Variants in GREB1 observed in about 807,000 individuals in gnomAD.
The protein encoded by GREB1 is protein GREB1.
A neutral mutation model predicts 200.7 loss-of-function variants in GREB1; 106 were observed. The observed-to-expected ratio is 0.53, with a 90% CI of 0.45 to 0.62. The LOEUF (loss-of-function observed/expected upper bound fraction) is 0.62. GREB1 is among the 20% of genes least tolerant of loss of function. The probability of loss-of-function intolerance (pLI) is 0.00; values close to 1 mark genes in which losing one functional copy is unlikely to be tolerated. For synonymous variants in GREB1, 1,132 were observed against 1,092.4 expected, an observed-to-expected ratio of 1.04 and a Z score of -0.72; for missense variants, 2,243 against 2,556.8, an observed-to-expected ratio of 0.88 and a Z score of 2.65.
intron 1 of GREB1, among the ~76,000 whole-genome samples, chr2:11,541,780 C>T (rs1275529919): frequency 6.6e-6 from 1 of 152,194 alleles, no homozygotes; most frequent in African/African-American, 2.4e-5. Flanking sequence ...GAACGGGCCC[C>T]TCGTTGCCCT....
chr2:11,588,405 T>G (rs1281245037), intron 9 of GREB1: 1 of 577,334 alleles, frequency 1.7e-6, no homozygotes, highest in African/African-American at 1.9e-5. Context: ...GCCCACAAGG[T>G]GTCCCATTGG....
chr2:11,583,971 GGCCCATGGGGGT>G (rs1422101220), intron 7 of GREB1, among the ~76,000 whole-genome samples: 5 of 152,120 alleles, frequency 3.3e-5, no homozygotes, highest in African/African-American at 1.2e-4. Flanking sequence ...AGGTTTAATA[GGCCCATGGGGGT>G]TCTGTGCAGT....
At chr2:11,582,041 C>T (rs1679540567) in intron 7 of GREB1, among the ~76,000 whole-genome samples, 2 of 145,926 alleles carry the variant, frequency 1.4e-5, no homozygotes, top group Non-Finnish European at 3.0e-5. Context: ...TGCTTTCATC[C>T]AGGGACTGCT....
rs146087536 is a variant in GREB1, at chr2:11,518,043, C to T, written c.-159+35662C>T. ...TTCCCCTTGACTGTGGGCATTTTGCCAGAGAGGGTAATTTAGTGCTATTCC... is the reference window on the plus strand; with the variant it reads ...TTCCCCTTGACTGTGGGCATTTTGCTAGAGAGGGTAATTTAGTGCTATTCC... On this transcript the variant is annotated intron_variant, in intron 1 of 2. Transcript: ENST00000628795. Among the ~76,000 whole-genome samples the T allele has an allele frequency of 3.8e-3, 582 of 152,208 alleles. 11 individuals are homozygous for T. Among genetic ancestry groups the T allele is most frequent in the Admixed American group, 0.026 (394 of 15,276 alleles).
upstream of GREB1, among the ~76,000 whole-genome samples, chr2:11,529,073 G>C (rs1337214686): frequency 6.6e-6 from 1 of 152,142 alleles, no homozygotes; most frequent in South Asian, 2.1e-4. Context: ...GAAAATAATG[G>C]GAAGAGTAAT....
At chr2:11,553,211 G>A (rs961586272) in intron 1 of GREB1, among the ~76,000 whole-genome samples, 2 of 151,874 alleles carry the variant, frequency 1.3e-5, no homozygotes, top group Admixed American at 1.3e-4. Flanking sequence ...TTTTAATTTT[G>A]TGAGTATGAA....
rs751729817 is a variant in GREB1 at position 11,635,453 on chromosome 2, G to T, written c.5346+48G>T. The T allele has an allele frequency of 1.2e-5, 18 of 1,560,692 alleles. No homozygotes were observed. In the African/African-American group the frequency reaches 1.6e-4, roughly 14 times the overall value. ...GGCCTCTATGTCCACCGCCTGGGCC[G>T]CCCTGGCACACACACTGAGGGTAGG... is the stretch of plus-strand genomic sequence containing the variant. On this transcript the variant is annotated intron_variant, in intron 30 of 32. Transcript: ENST00000381486.
Position 11,640,575 on chromosome 2 carries a change from T to G in GREB1, c.*121T>G. On this transcript the variant is annotated 3_prime_UTR_variant, in exon 33 of 33. Coordinates refer to ENST00000381486, the MANE Select transcript of GREB1 (RefSeq NM_014668.4). The surrounding 1 kb of genome is among the most constrained non-coding windows in gnomAD (Gnocchi z 4.6). ...GAATGGACCCCAGGGACTGTCCAGGTGCAGCCCCTCCTAGTACACATGGGC... is the reference window on the plus strand; with the variant it reads ...GAATGGACCCCAGGGACTGTCCAGGGGCAGCCCCTCCTAGTACACATGGGC... The G allele has an allele frequency of 8.6e-7, 1 of 1,160,244 alleles. No homozygotes were observed. The highest frequency in any genetic ancestry group is 1.3e-6 in the Non-Finnish European group (1 of 798,300). The allele number at this position is 1,160,244 out of a possible 1,614,324, so 71.9% of individuals were successfully genotyped here.
At position 11,597,743 on chromosome 2, in the gene GREB1, C is replaced by T; in HGVS notation, c.1955-38C>T. On this transcript the variant is annotated intron_variant, in intron 13 of 32. Coordinates refer to ENST00000381486, the MANE Select transcript of GREB1 (RefSeq NM_014668.4). This position sits in a 1 kb window ranked among gnomAD's most constrained non-coding sequence, Gnocchi z 4.1. ...CAAGGGCCTGGCAGTAGCCGTGTGC[C>T]CTGGAGCTCACCTGGCATCCTGGGG... 1.9e-6 allele frequency: 3 copies of T among 1,592,586 alleles called. No individual in the cohort carries two copies. The highest frequency in any genetic ancestry group is 2.6e-6 in the Non-Finnish European group (3 of 1,161,236).
At position 11,597,953 on chromosome 2, in the gene GREB1, G is replaced by T; in HGVS notation, c.2127G>T (p.Gln709His). The change falls in exon 14 of 33, where the codon CAG (glutamine) becomes CAT (histidine). Residue 709 changes from glutamine (Q) to histidine (H), a missense_variant. Physicochemically the swap from Gln to His is conservative, Grantham distance 24. Coordinates refer to ENST00000381486, the MANE Select transcript of GREB1 (RefSeq NM_014668.4). This position sits in a 1 kb window ranked among gnomAD's most constrained non-coding sequence, Gnocchi z 4.1. ...CCCCCTCAGAAGTGACCTACCAGCA[G>T]ACTCTGCTCCATGTGTGGCATTCAG... The part of the protein sequence containing the change: ...CIPPSEVTYQ[Q>H]TLLHVWHSGV... 2 of 1,614,070 alleles carry T rather than the reference G, an allele frequency of 1.2e-6. No homozygotes were observed. Among genetic ancestry groups the T allele is most frequent in the Non-Finnish European group, 1.7e-6 (2 of 1,179,910 alleles).
rs1009510870 is a variant in GREB1 at position 11,633,441 on chromosome 2, G to A, written c.4991+378G>A. ...TAGCTGGGCGTGGTGGCGGGCGCCT[G>A]TAGTCCCAGCTACTTGGGAGGCTGA... On this transcript the variant is annotated intron_variant, in intron 28 of 32. Coordinates refer to ENST00000381486, the MANE Select transcript of GREB1 (RefSeq NM_014668.4). The surrounding 1 kb of genome is among the most constrained non-coding windows in gnomAD (Gnocchi z 4.1). 9.2e-5 allele frequency among the ~76,000 whole-genome samples: 14 copies of A among 152,048 alleles called. No individual in the cohort carries two copies. The highest frequency in any genetic ancestry group is 3.4e-3 in the Middle Eastern group (1 of 292).
At chr2:11,579,524 A>G (rs545956639) in intron 6 of GREB1, among the ~76,000 whole-genome samples, 2 of 152,294 alleles carry the variant, frequency 1.3e-5, no homozygotes, top group Admixed American at 1.3e-4. Flanking sequence ...CTGCTAACTC[A>G]TGTCATTCTC....
chr2:11,615,109 C>G lies in GREB1; in HGVS notation c.3141C>G (p.Asp1047Glu). ...ESLPRSLRYC[D>E]LRLINSSCLV... is the part of the protein sequence containing the mutation. The stretch of plus-strand genomic sequence containing the variant: ...TTGCTAGGTCTTTGAGGTACTGTGA[C>G]CTGCGATTGATAAACTCCTCCTGCT... The change falls in exon 20 of 33, where the codon GAC becomes GAG. Residue 1047 changes from aspartate (D) to glutamate (E), a missense_variant. Transcript: ENST00000381486. The G allele has an allele frequency of 6.2e-7, 1 of 1,613,954 alleles. No individual in the cohort carries two copies.
chr2:11,566,384 C>T, intron 3 of GREB1, 96 bp from the exon 4 acceptor site: 1 of 1,234,940 alleles, frequency 8.1e-7, no homozygotes, highest in Non-Finnish European at 1.1e-6. Context: ...GTAAGGGTTT[C>T]TCCTGAGCAG....
chr2:11,523,799 C>T (rs1258238076), intron 1 of GREB1, among the ~76,000 whole-genome samples: 1 of 151,320 alleles, frequency 6.6e-6, no homozygotes, highest in East Asian at 1.9e-4. Context: ...TTGCCCCCGG[C>T]TTACTGTGTT....
rs942397125 is a variant in GREB1 at position 11,600,996 on chromosome 2, G to A, written c.2529+1G>A. 6.2e-7 allele frequency: 1 copy of A among 1,606,912 alleles called. No individual in the cohort carries two copies. The highest frequency in any genetic ancestry group is 8.5e-7 in the Non-Finnish European group (1 of 1,174,212). On this transcript the variant is annotated splice_donor_variant, in intron 16 of 32. Coordinates refer to ENST00000381486, the MANE Select transcript of GREB1 (RefSeq NM_014668.4). LOFTEE classifies it high-confidence loss of function. ...CCACTGGCCTGCCTCCTGCAGTAAT[G>A]TGAGTGCCACGGGGCTGCTGGGCCC...
intron 1 of GREB1, among the ~76,000 whole-genome samples, chr2:11,508,515 T>A (rs1322475231): frequency 6.6e-6 from 1 of 152,184 alleles, no homozygotes; most frequent in Non-Finnish European, 1.5e-5. Context: ...AGGTTTGTTT[T>A]GCATCCTTCC....
In GREB1 at chr2:11,635,405, G is replaced by A. The variant is rs1489440375; in HGVS notation, c.5346G>A (p.Lys1782=). The A allele has an allele frequency of 1.2e-6, 2 of 1,606,566 alleles. No homozygotes were observed. The highest frequency in any genetic ancestry group is 1.1e-5 in the South Asian group (1 of 89,470). ...ACAGGTCCTTCCACATCACATCCAAGGTGAGCTCCTCGCTGCTGGGCAGGC... is the reference window on the plus strand; with the variant it reads ...ACAGGTCCTTCCACATCACATCCAAAGTGAGCTCCTCGCTGCTGGGCAGGC... ...GGHRSFHITS[K]VSDNSAAVVP... Residue 1782 remains lysine, a splice_region_variant and synonymous_variant, in exon 30 of 33, where the codon AAG becomes AAA. Coordinates refer to ENST00000381486, the MANE Select transcript of GREB1 (RefSeq NM_014668.4).
intron 10 of GREB1, chr2:11,592,208 ACAG>A: frequency 2.8e-6 from 1 of 363,524 alleles, no homozygotes; most frequent in Non-Finnish European, 3.8e-6. Flanking sequence ...TTTTTTAACA[ACAG>A]CAGTGTTTTG....
Sources: allele counts gnomAD v4.1 joint callset (sites outside exome capture counted in the v4.1 genomes callset), GRCh38; gene constraint gnomAD v4.1.1; non-coding constraint Gnocchi (gnomAD v3.1); transcripts MANE v1.5; gene names NCBI Gene and HGNC (gene_info 2026-07-23, HGNC 2026-07-21).